The following SGCZ variants were observed in gnomAD, a reference collection of about 807,000 sequenced individuals.
SGCZ encodes the protein zeta-sarcoglycan.
SGCZ carries 40 observed loss-of-function variants against 41.3 expected under a neutral mutation model. The ratio of observed to expected loss-of-function variants is 0.97; its 90% CI spans 0.75 to 1.26. The LOEUF (loss-of-function observed/expected upper bound fraction) is 1.26. Among genes scored for constraint, SGCZ ranks in the 50% most tolerant of loss-of-function variants. The pLI, the probability that SGCZ is intolerant of heterozygous loss-of-function variation, is 0.00. For missense variants in SGCZ, 552 were observed against 369.8 expected (o/e 1.49, Z -4.04); for synonymous variants, 206 against 137.5 (o/e 1.50, Z -3.49).
At chr8:14,552,242 A>G (rs1234159297) in intron 2 of SGCZ, among the ~76,000 whole-genome samples, 3 of 152,094 alleles carry the variant, frequency 2.0e-5, no homozygotes, top group Non-Finnish European at 4.4e-5. Flanking sequence ...CTTCAAGTAT[A>G]TACAACATAA....
At chr8:14,414,011 A>G (rs1338724842) in intron 2 of SGCZ, among the ~76,000 whole-genome samples, 1 of 151,978 alleles carries the variant, frequency 6.6e-6, no homozygotes. Flanking sequence ...AAGATACCCC[A>G]TGAAAATAAA....
At chr8:14,124,351 G>A (rs1802788734) in intron 5 of SGCZ, among the ~76,000 whole-genome samples, 1 of 151,718 alleles carries the variant, frequency 6.6e-6, no homozygotes, top group Non-Finnish European at 1.5e-5. Flanking sequence ...TTATTTACAT[G>A]AACATGGCAA....
chr8:14,420,586 A>G (rs1431989963), intron 2 of SGCZ, among the ~76,000 whole-genome samples: 2 of 152,070 alleles, frequency 1.3e-5, no homozygotes, highest in African/African-American at 2.4e-5. Flanking sequence ...AGATACCAAA[A>G]TGATCCCGAG....
At chr8:14,245,828 C>T (rs564214785) in intron 3 of SGCZ, among the ~76,000 whole-genome samples, 37 of 152,196 alleles carry the variant, frequency 2.4e-4, no homozygotes, top group African/African-American at 8.2e-4. Context: ...TTTATGCAGC[C>T]AAAAGACACA....
chr8:15,013,957 G>A (rs1328102592), intron 1 of SGCZ, among the ~76,000 whole-genome samples: 1 of 152,154 alleles, frequency 6.6e-6, no homozygotes, highest in African/African-American at 2.4e-5. Context: ...TTTACCTCAA[G>A]ATGGGATAAA....
intron 2 of SGCZ, among the ~76,000 whole-genome samples, chr8:14,523,371 T>C (rs951287378): frequency 2.6e-5 from 4 of 152,056 alleles, no homozygotes; most frequent in African/African-American, 9.7e-5. Context: ...TTCTTCATTT[T>C]GTCCTCCATC....
chr8:14,913,895 A>C (rs1266900873), intron 1 of SGCZ, among the ~76,000 whole-genome samples: 1 of 152,138 alleles, frequency 6.6e-6, no homozygotes, highest in East Asian at 1.9e-4. Context: ...GAATGATAAA[A>C]GCAAAACTAT....
chr8:14,780,967 C>T (rs1278174915), intron 1 of SGCZ, among the ~76,000 whole-genome samples: 1 of 151,854 alleles, frequency 6.6e-6, no homozygotes, highest in Admixed American at 6.6e-5. Context: ...TAAAAGAAAC[C>T]AGGTTGTTGT....
In SGCZ at chr8:14,087,588, T is replaced by G. The variant is rs1482831991; in HGVS notation, c.*2855A>C. The stretch of plus-strand genomic sequence containing the variant: ...TATAAAGGACTCATTTTTCTCAGTG[T>G]CATTTGGGGAAGATGAAATTTATAT... On this transcript the variant is annotated 3_prime_UTR_variant, in exon 8 of 8. Coordinates refer to ENST00000382080, the MANE Select transcript of SGCZ (RefSeq NM_139167.4). 6.6e-6 allele frequency among the ~76,000 whole-genome samples: 1 copy of G among 151,674 alleles called. No homozygotes were observed. The highest frequency in any genetic ancestry group is 1.5e-5 in the Non-Finnish European group (1 of 67,764).
rs1381008457 is a variant in SGCZ at position 14,511,008 on chromosome 8, A to G, written c.234+43724T>C. ...ACCTAACTGTTTTATAAAGATAGATAGAAGATATTTATTTTTCTTTTGGAT... is the reference window on the plus strand; with the variant it reads ...ACCTAACTGTTTTATAAAGATAGATGGAAGATATTTATTTTTCTTTTGGAT... On this transcript the variant is annotated intron_variant, in intron 2 of 7. Transcript: ENST00000382080. Among the ~76,000 whole-genome samples the G allele has an allele frequency of 2.0e-5, 3 of 152,202 alleles. No homozygotes were observed. The East Asian group carries it at 5.8e-4, about 30-fold the overall frequency.
intron 3 of SGCZ, among the ~76,000 whole-genome samples, chr8:14,302,261 CA>C (rs1272915633): frequency 1.3e-5 from 2 of 152,072 alleles, no homozygotes; most frequent in Non-Finnish European, 2.9e-5. Context: ...AACATTTCTG[CA>C]AAAACACTGG....
chr8:14,488,147 A>G, intron 2 of SGCZ, among the ~76,000 whole-genome samples: 1 of 151,912 alleles, frequency 6.6e-6, no homozygotes. Context: ...TTCCCCTTTT[A>G]ACTTCTTCTG....
intron 1 of SGCZ, among the ~76,000 whole-genome samples, chr8:15,010,660 G>T (rs1585469415): frequency 6.6e-6 from 1 of 152,148 alleles, no homozygotes; most frequent in South Asian, 2.1e-4. Flanking sequence ...TTCGTGTACT[G>T]TCAGTACAGG....
chr8:14,871,037 A>C (rs1272448515), intron 1 of SGCZ, among the ~76,000 whole-genome samples: 1 of 152,048 alleles, frequency 6.6e-6, no homozygotes, highest in African/African-American at 2.4e-5. Context: ...GAGAAACCTC[A>C]TGTCTACTAA....
intron 3 of SGCZ, among the ~76,000 whole-genome samples, chr8:14,244,959 G>C (rs548634138): frequency 6.6e-6 from 1 of 152,228 alleles, no homozygotes; most frequent in South Asian, 2.1e-4. Flanking sequence ...CTGAGACTTT[G>C]CTGAAGTTGC....
chr8:14,655,681 C>T (rs780896927), intron 1 of SGCZ, among the ~76,000 whole-genome samples: 2 of 152,158 alleles, frequency 1.3e-5, no homozygotes, highest in African/African-American at 2.4e-5. Flanking sequence ...ATAAAACAAC[C>T]AAGATACTGA....
chr8:14,668,660 G>A (rs766037863), intron 1 of SGCZ, among the ~76,000 whole-genome samples: 2 of 152,146 alleles, frequency 1.3e-5, no homozygotes, highest in Admixed American at 6.5e-5. Context: ...CTAGGCTGAA[G>A]TTATGAGGAA....
intron 5 of SGCZ, among the ~76,000 whole-genome samples, chr8:14,118,201 C>A (rs1297409970): frequency 6.6e-6 from 1 of 152,134 alleles, no homozygotes; most frequent in Admixed American, 6.5e-5. Flanking sequence ...CTCCTACCAA[C>A]AGTGTAAAAG....
intron 2 of SGCZ, among the ~76,000 whole-genome samples, chr8:14,338,063 G>A (rs1453606818): frequency 6.6e-6 from 1 of 152,168 alleles, no homozygotes; most frequent in Non-Finnish European, 1.5e-5. Context: ...ATCAAGGATG[G>A]ATGCACAGGA....
Sources: allele counts gnomAD v4.1 joint callset (sites outside exome capture counted in the v4.1 genomes callset), GRCh38; gene constraint gnomAD v4.1.1; transcripts MANE v1.5; gene names NCBI Gene and HGNC (gene_info 2026-07-23, HGNC 2026-07-21).